Variants in KCNQ1 observed in about 807,000 individuals in gnomAD.
KCNQ1 encodes potassium voltage-gated channel subfamily KQT member 1.
In KCNQ1, 49 loss-of-function variants were observed where a neutral mutation model predicts 72.4. That is an observed-to-expected ratio of 0.68 (90% CI 0.54 to 0.86). The LOEUF is 0.86. KCNQ1 is among the 40% of genes least tolerant of loss of function. The pLI is 0.00. For synonymous variants in KCNQ1, 450 were observed against 412.6 expected, an observed-to-expected ratio of 1.09 and a Z score of -1.10; for missense variants, 790 against 945.1, an observed-to-expected ratio of 0.84 and a Z score of 2.15.
rs959256795 is a variant in KCNQ1, at chr11:2,818,146, C to T, written c.1795-29621C>T. On this transcript the variant is annotated intron_variant, in intron 15 of 15. Coordinates refer to ENST00000155840, the MANE Select transcript of KCNQ1 (RefSeq NM_000218.3). This position sits in a 1 kb window ranked among gnomAD's most constrained non-coding sequence, Gnocchi z 7.2. ...TCTAAACCCAGTGTCTGCTGGCCCTCAGAGTGGGAGCGCGTGCCCCAACTT... is the reference window on the plus strand; with the variant it reads ...TCTAAACCCAGTGTCTGCTGGCCCTTAGAGTGGGAGCGCGTGCCCCAACTT... Among the ~76,000 whole-genome samples, 4 of 152,178 alleles carry T rather than the reference C, an allele frequency of 2.6e-5. No individual in the cohort carries two copies. The highest frequency in any genetic ancestry group is 6.5e-5 in the Admixed American group (1 of 15,282).
chr11:2,506,752 C>T (rs1847111763), intron 1 of KCNQ1, among the ~76,000 whole-genome samples: 1 of 152,228 alleles, frequency 6.6e-6, no homozygotes, highest in Non-Finnish European at 1.5e-5. Context: ...ACAGTTGCGC[C>T]AGCAGCGTGC....
chr11:2,683,109 T>G lies in KCNQ1; in HGVS notation c.1514+21028T>G, dbSNP rs1850425487. 2.6e-6 allele frequency: 1 copy of G among 381,300 alleles called. No homozygotes were observed. Among genetic ancestry groups the G allele is most frequent in the African/African-American group, 2.4e-5 (1 of 41,160 alleles). 23.6% of individuals were successfully genotyped at this position (381,300 alleles called of 1,614,324 possible). On this transcript the variant is annotated intron_variant, in intron 11 of 15. Transcript: ENST00000155840. This position sits in a 1 kb window ranked among gnomAD's most constrained non-coding sequence, Gnocchi z 4.7. The stretch of plus-strand genomic sequence containing the variant: ...CCTTCAGATTTTCTTGTTCCCAGGA[T>G]ATATCGCACCAACTCAGGAGGGTGT...
intron 10 of KCNQ1, chr11:2,616,963 GTTTT>G (rs35383069): frequency 2.8e-6 from 1 of 351,986 alleles, no homozygotes; most frequent in South Asian, 1.3e-4. Context: ...ATCTTGTTGT[GTTTT>G]TTTTTTTTAA....
rs759108604 is a variant in KCNQ1, at chr11:2,768,819, A to G, written c.1515-25A>G. ...GACCAGCACAGGGTGGCCACTCACAATCTCCTCTCCTCTCTCCACTGCAGG... is the reference window on the plus strand; with the variant it reads ...GACCAGCACAGGGTGGCCACTCACAGTCTCCTCTCCTCTCTCCACTGCAGG... On this transcript the variant is annotated intron_variant, in intron 11 of 15. Transcript: ENST00000155840. This position sits in a 1 kb window ranked among gnomAD's most constrained non-coding sequence, Gnocchi z 6.7. 9.5e-5 allele frequency: 152 copies of G among 1,606,096 alleles called. 1 individual carries two copies. The highest frequency in any genetic ancestry group is 1.2e-4 in the Non-Finnish European group (143 of 1,172,946).
chr11:2,561,232 A>AAAAAAAG (rs1848162355), intron 2 of KCNQ1, among the ~76,000 whole-genome samples: 1 of 144,196 alleles, frequency 6.9e-6, no homozygotes, highest in Non-Finnish European at 1.5e-5. Flanking sequence ...AAGAAAAAAA[A>AAAAAAAG]GGAACTCCCA....
rs2283222 is a variant in KCNQ1 at position 2,734,371 on chromosome 11, T to C, written c.1515-34473T>C. ...AGGGTAGAGGCAGGGGAGCAATGGATGGGTTGAATGAGGAAGCTTCACAGC... is the reference window on the plus strand; with the variant it reads ...AGGGTAGAGGCAGGGGAGCAATGGACGGGTTGAATGAGGAAGCTTCACAGC... On this transcript the variant is annotated intron_variant, in intron 11 of 15. Coordinates refer to ENST00000155840, the MANE Select transcript of KCNQ1 (RefSeq NM_000218.3). This position sits in a 1 kb window ranked among gnomAD's most constrained non-coding sequence, Gnocchi z 7.0. Among the ~76,000 whole-genome samples, 44,653 of 151,954 alleles carry C rather than the reference T, an allele frequency of 0.29. 6,804 individuals carry two copies. Among genetic ancestry groups the C allele is most frequent in the Middle Eastern group, 0.36 (105 of 294 alleles).
intron 8 of KCNQ1, among the ~76,000 whole-genome samples, chr11:2,585,645 G>C (rs1848582532): frequency 6.6e-6 from 1 of 152,258 alleles, no homozygotes; most frequent in African/African-American, 2.4e-5. Flanking sequence ...TGAGGGCTGA[G>C]TCTGGGAGTG....
Position 2,671,097 on chromosome 11 carries a change from T to A in KCNQ1, c.1514+9016T>A. On this transcript the variant is annotated intron_variant, in intron 11 of 15. Transcript: ENST00000155840. The surrounding 1 kb of genome is among the most constrained non-coding windows in gnomAD (Gnocchi z 4.7). The stretch of plus-strand genomic sequence containing the variant: ...TGGCTAGCAGGAGGAAGTCTGGCAG[T>A]TAGTCTGAGCAGTTAGTCTGTCAGG... 7.9e-6 allele frequency: 1 copy of A among 126,224 alleles called. No individual in the cohort carries two copies. The highest frequency in any genetic ancestry group is 1.1e-5 in the Non-Finnish European group (1 of 87,374). 7.8% of individuals were successfully genotyped at this position (126,224 alleles called of 1,614,324 possible).
At chr11:2,640,965 G>C (rs962399518) in intron 10 of KCNQ1, 3 of 398,596 alleles carry the variant, frequency 7.5e-6, no homozygotes, top group African/African-American at 6.2e-5. Context: ...ATGACCTCCA[G>C]CTCCATTCAT....
In KCNQ1 at chr11:2,565,633, G is replaced by A. The variant is rs761995667; in HGVS notation, c.478-4995G>A. 8.9e-4 allele frequency among the ~76,000 whole-genome samples: 135 copies of A among 152,274 alleles called. No homozygotes were observed. Among genetic ancestry groups the A allele is most frequent in the Middle Eastern group, 3.4e-3 (1 of 294 alleles). Reference sequence around the variant, plus strand: ...TGACTTGTGGCCAGGGGAAAGACCCGTGGCCTATCTTGTTTTGGGGGGCAG... The same window carrying A: ...TGACTTGTGGCCAGGGGAAAGACCCATGGCCTATCTTGTTTTGGGGGGCAG... On this transcript the variant is annotated intron_variant, in intron 2 of 15. Coordinates refer to ENST00000155840, the MANE Select transcript of KCNQ1 (RefSeq NM_000218.3). This position sits in a 1 kb window ranked among gnomAD's most constrained non-coding sequence, Gnocchi z 5.6.
chr11:2,706,860 C>T (rs7939695), intron 11 of KCNQ1, among the ~76,000 whole-genome samples: 12,877 of 152,182 alleles, frequency 0.085, 618 homozygotes, highest in South Asian at 0.11. Context: ...GAAAGGAGAG[C>T]GGTTTTGACT....
chr11:2,470,603 G>A (rs138969261), intron 1 of KCNQ1, among the ~76,000 whole-genome samples: 2,622 of 151,676 alleles, frequency 0.017, 52 homozygotes, highest in African/African-American at 0.048. Flanking sequence ...GGGAGGGGGT[G>A]TGATGATACG....
At chr11:2,578,204 G>A (rs796969649) in intron 6 of KCNQ1, among the ~76,000 whole-genome samples, 1 of 152,220 alleles carries the variant, frequency 6.6e-6, no homozygotes, top group Admixed American at 6.5e-5. Flanking sequence ...TTGTGATCAT[G>A]CACCTTCCCG....
chr11:2,470,859 A>T (rs1405849884), intron 1 of KCNQ1, among the ~76,000 whole-genome samples: 10 of 152,194 alleles, frequency 6.6e-5, no homozygotes, highest in Admixed American at 3.9e-4. Flanking sequence ...AGTCCAGTTT[A>T]TCAACTTGTT....
At position 2,486,887 on chromosome 11, in the gene KCNQ1, C is replaced by T. The variant is rs1846748329; in HGVS notation, c.387-41041C>T. ...TCCAACGCTGGGGATCACATTTCAA[C>T]ATGAGAGTTGGAGGGGACAAATATC... On this transcript the variant is annotated intron_variant, in intron 1 of 15. Coordinates refer to ENST00000155840, the MANE Select transcript of KCNQ1 (RefSeq NM_000218.3). The surrounding 1 kb of genome is among the most constrained non-coding windows in gnomAD (Gnocchi z 5.0). 6.6e-6 allele frequency among the ~76,000 whole-genome samples: 1 copy of T among 152,218 alleles called. No homozygotes were observed. Among genetic ancestry groups the T allele is most frequent in the Non-Finnish European group, 1.5e-5 (1 of 68,026 alleles).
intron 15 of KCNQ1, among the ~76,000 whole-genome samples, chr11:2,792,937 C>T (rs1266068988): frequency 1.3e-5 from 2 of 150,688 alleles, no homozygotes; most frequent in Non-Finnish European, 3.0e-5. Context: ...GTGCACAGCA[C>T]CCCCTCTCTT....
intron 10 of KCNQ1, chr11:2,628,765 T>C (rs2133813313): frequency 5.0e-6 from 2 of 398,400 alleles, no homozygotes; most frequent in East Asian, 7.1e-5. Context: ...TTTCAGGTCA[T>C]ATGTTTAAAT....
At chr11:2,506,244 C>A (rs1416752569) in intron 1 of KCNQ1, among the ~76,000 whole-genome samples, 1 of 152,118 alleles carries the variant, frequency 6.6e-6, no homozygotes, top group Non-Finnish European at 1.5e-5. Flanking sequence ...TTTTTTATAT[C>A]CAGCTTTATT....
intron 1 of KCNQ1, among the ~76,000 whole-genome samples, chr11:2,517,853 T>C (rs1412297792): frequency 6.6e-6 from 1 of 152,208 alleles, no homozygotes; most frequent in Non-Finnish European, 1.5e-5. Flanking sequence ...GCTGTTGGCA[T>C]GCAGCCTGGG....
Sources: gnomAD v4.1 joint callset for allele counts (sites outside exome capture counted in the v4.1 genomes callset) on GRCh38, gnomAD v4.1.1 for gene constraint, Gnocchi (gnomAD v3.1) non-coding constraint, MANE v1.5 for transcripts, NCBI Gene and HGNC (gene_info 2026-07-23, HGNC 2026-07-21) for gene names.